The following CST11 variants were observed in gnomAD, a reference collection of about 807,000 sequenced individuals.
CST11 encodes cystatin-11.
Under a neutral mutation model 14.0 loss-of-function variants are expected in CST11, and 13 were observed. The ratio of observed to expected loss-of-function variants is 0.93; its 90% CI spans 0.60 to 1.47. The LOEUF is 1.47. Among genes scored for constraint, CST11 ranks in the 40% most tolerant of loss-of-function variants. The pLI, the probability that CST11 is intolerant of heterozygous loss-of-function variation, is 0.00. For missense variants in CST11, 181 were observed against 160.0 expected, an observed-to-expected ratio of 1.13 and a Z score of -0.71; for synonymous variants, 64 against 57.8, an observed-to-expected ratio of 1.11 and a Z score of -0.48.
At chr20:23,450,814 G>A (rs1987066355) in intron 2 of CST11, among the ~76,000 whole-genome samples, 1 of 152,152 alleles carries the variant, frequency 6.6e-6, no homozygotes, top group African/African-American at 2.4e-5. Context: ...TAGAAATAAA[G>A]TGTCTGCGCA....
Position 23,450,457 on chromosome 20 carries a change from T to C in CST11, c.*49A>G, listed in dbSNP as rs766465092. On this transcript the variant is annotated 3_prime_UTR_variant, in exon 3 of 3. Coordinates refer to ENST00000377009, the MANE Select transcript of CST11 (RefSeq NM_130794.2). ...GCCTATATTAAGGATTATTGCCCAT[T>C]GCAGGATTCTCTCACATGCAGTGGC... is the stretch of plus-strand genomic sequence containing the variant. The C allele has an allele frequency of 2.5e-6, 3 of 1,213,412 alleles. No homozygotes were observed. The highest frequency in any genetic ancestry group is 1.4e-5 in the South Asian group (1 of 70,288). The allele number at this position is 1,213,412 out of a possible 1,614,324, so 75.2% of individuals were successfully genotyped here. A position where few individuals can be genotyped will look rare whatever the true frequency, so the allele number is the denominator to read the frequency against.
chr20:23,452,543 G>A lies in CST11; in HGVS notation c.228+41C>T, dbSNP rs1987121708. On this transcript the variant is annotated intron_variant, in intron 1 of 2. Coordinates refer to ENST00000377009, the MANE Select transcript of CST11 (RefSeq NM_130794.2). ...TGACACCAGTGGCCACCCGATGTGG[G>A]CGTATCAGGCCTGGGGAGAGGCGGG... 16 of 1,296,642 alleles carry A rather than the reference G, an allele frequency of 1.2e-5. No individual in the cohort carries two copies. In the South Asian group the frequency reaches 1.8e-4, roughly 14 times the overall value. 80.3% of individuals were successfully genotyped at this position (1,296,642 alleles called of 1,614,324 possible). A position where few individuals can be genotyped will look rare whatever the true frequency, so the allele number is the denominator to read the frequency against.
Position 23,451,818 on chromosome 20 carries a change from T to C in CST11, c.331A>G (p.Lys111Glu). 1.2e-6 allele frequency: 2 copies of C among 1,613,078 alleles called. No homozygotes were observed. Among genetic ancestry groups the C allele is most frequent in the East Asian group, 2.2e-5 (1 of 44,870 alleles). The change falls in exon 2 of 3, where the codon AAG becomes GAG. Residue 111 changes from lysine to glutamate, a missense_variant and splice_region_variant. Lys to Glu is a moderately conservative substitution (Grantham distance 56). Coordinates refer to ENST00000377009, the MANE Select transcript of CST11 (RefSeq NM_130794.2). Reference protein sequence around the residue: ...NCVPQERELHKQVNCFFSVFA... With the variant: ...NCVPQERELHEQVNCFFSVFA... Reference sequence around the variant, plus strand: ...GTTAAAGTGCTTTTACCCAATACCTTGTGAAGCTCCCTTTCCTGGGGGACA... The same window carrying C: ...GTTAAAGTGCTTTTACCCAATACCTCGTGAAGCTCCCTTTCCTGGGGGACA...
Position 23,452,665 on chromosome 20 carries a change from C to T in CST11, c.147G>A (p.Gln49=), listed in dbSNP as rs535136046. The T allele has an allele frequency of 3.1e-6, 5 of 1,614,152 alleles. No individual in the cohort carries two copies. In the South Asian group the frequency reaches 5.5e-5, roughly 18 times the overall value. Reference sequence around the variant, plus strand: ...CCTTGTTATACTGGTCGGTGATCCACTGCAAGCTGTCCTTCGCATAGTTTT... The same window carrying T: ...CCTTGTTATACTGGTCGGTGATCCATTGCAAGCTGTCCTTCGCATAGTTTT... The part of the protein sequence containing the change: ...AVENYAKDSL[Q]WITDQYNKES... The change falls in exon 1 of 3, where the codon CAG becomes CAA. Residue 49 remains glutamine (Q), a synonymous_variant. Transcript: ENST00000377009.
intron 1 of CST11, among the ~76,000 whole-genome samples, 186 bp from the exon 2 acceptor site, chr20:23,452,106 A>G (rs890455367): frequency 6.6e-6 from 1 of 152,178 alleles, no homozygotes; most frequent in Admixed American, 6.5e-5. Flanking sequence ...TTAACCAGAA[A>G]CCATCAGAAA....
intron 2 of CST11, among the ~76,000 whole-genome samples, chr20:23,451,164 T>C (rs908442322): frequency 6.6e-6 from 1 of 152,208 alleles, no homozygotes; most frequent in African/African-American, 2.4e-5. Context: ...TTCCTGACTT[T>C]GCTTCCTCTC....
chr20:23,452,387 T>C (rs977292584), intron 1 of CST11, among the ~76,000 whole-genome samples, 197 bp downstream of exon 1: 1 of 152,198 alleles, frequency 6.6e-6, no homozygotes, highest in Non-Finnish European at 1.5e-5. Context: ...TGGGATGTAA[T>C]GTGCTGAGGA....
chr20:23,450,495 C>A lies in CST11; in HGVS notation c.*11G>T, dbSNP rs576508463. On this transcript the variant is annotated 3_prime_UTR_variant, in exon 3 of 3. Coordinates refer to ENST00000377009, the MANE Select transcript of CST11 (RefSeq NM_130794.2). ...CACATGCAGTGGCCGCAGTTGTACA[C>A]TCCAGGACACCTAGTCACTGCTGCA... 1.9e-6 allele frequency: 3 copies of A among 1,604,840 alleles called. No individual in the cohort carries two copies. The African/African-American group carries it at 4.0e-5, about 21-fold the overall frequency.
chr20:23,450,424 C>A lies in CST11; in HGVS notation c.*82G>T. On this transcript the variant is annotated 3_prime_UTR_variant, in exon 3 of 3. Transcript: ENST00000377009. ...GATCTTAAGAGAATATGTTGACAAA[C>A]ATTTATTGCCTATATTAAGGATTAT... 2.4e-6 allele frequency: 2 copies of A among 847,852 alleles called. No individual in the cohort carries two copies. The highest frequency in any genetic ancestry group is 1.8e-6 in the Non-Finnish European group (1 of 542,354). The allele number at this position is 847,852 out of a possible 1,614,324, so 52.5% of individuals were successfully genotyped here. A position where few individuals can be genotyped will look rare whatever the true frequency, so the allele number is the denominator to read the frequency against.
chr20:23,450,425 A>G lies in CST11; in HGVS notation c.*81T>C. The G allele has an allele frequency of 1.2e-6, 1 of 863,518 alleles. No homozygotes were observed. The highest frequency in any genetic ancestry group is 1.8e-6 in the Non-Finnish European group (1 of 554,032). The allele number at this position is 863,518 out of a possible 1,614,324, so 53.5% of individuals were successfully genotyped here. On this transcript the variant is annotated 3_prime_UTR_variant, in exon 3 of 3. Coordinates refer to ENST00000377009, the MANE Select transcript of CST11 (RefSeq NM_130794.2). ...ATCTTAAGAGAATATGTTGACAAAC[A>G]TTTATTGCCTATATTAAGGATTATT... is the stretch of plus-strand genomic sequence containing the variant.
chr20:23,450,583 T>C lies in CST11; in HGVS notation c.340A>G (p.Asn114Asp), dbSNP rs1031878597. 7 of 1,606,998 alleles carry C rather than the reference T, an allele frequency of 4.4e-6. No homozygotes were observed. In the Admixed American group the frequency reaches 6.7e-5, roughly 15 times the overall value. The part of the protein sequence containing the change: ...PQERELHKQV[N>D]CFFSVFAVPW... Reference sequence around the variant, plus strand: ...ACAGCAAACACTGAGAAGAAGCAGTTGACTTGCTAAAACAAAAAACAAAGG... The same window carrying C: ...ACAGCAAACACTGAGAAGAAGCAGTCGACTTGCTAAAACAAAAAACAAAGG... The change falls in exon 3 of 3, where the codon AAC (asparagine) becomes GAC (aspartate). Residue 114 changes from asparagine (N) to aspartate (D), a missense_variant. Asn to Asp is a conservative substitution (Grantham distance 23, BLOSUM62 1). Coordinates refer to ENST00000377009, the MANE Select transcript of CST11 (RefSeq NM_130794.2).
Position 23,452,874 on chromosome 20 carries a change from A to T in CST11, c.-63T>A. 1 of 1,314,302 alleles carries T rather than the reference A, an allele frequency of 7.6e-7. No homozygotes were observed. Among genetic ancestry groups the T allele is most frequent in the Admixed American group, 2.0e-5 (1 of 50,472 alleles). 81.4% of individuals were successfully genotyped at this position (1,314,302 alleles called of 1,614,324 possible). ...ACTCCTCAGGGACAAGTCGAATCAC[A>T]CTGACCCTACCTGCCCTGGCAGGAT... On this transcript the variant is annotated 5_prime_UTR_variant, in exon 1 of 3. Coordinates refer to ENST00000377009, the MANE Select transcript of CST11 (RefSeq NM_130794.2).
intron 2 of CST11, 116 bp from the exon 3 acceptor site, chr20:23,450,705 A>G: frequency 1.6e-6 from 1 of 610,270 alleles, no homozygotes; most frequent in South Asian, 2.4e-5. Flanking sequence ...CCACCCCTAC[A>G]ATCCTATTTG....
chr20:23,451,172 C>CT (rs1987076840), intron 2 of CST11, among the ~76,000 whole-genome samples: 1 of 152,236 alleles, frequency 6.6e-6, no homozygotes, highest in Non-Finnish European at 1.5e-5. Context: ...TTTGCTTCCT[C>CT]TCCCTCAGTG....
intron 2 of CST11, among the ~76,000 whole-genome samples, chr20:23,451,510 C>A (rs1224403556): frequency 2.6e-5 from 4 of 152,228 alleles, no homozygotes; most frequent in Non-Finnish European, 5.9e-5. Flanking sequence ...GTCCCTCCCA[C>A]AGGCTGCTTA....
chr20:23,451,675 GAGGAA>G, intron 2 of CST11, 136 bp downstream of exon 2: 1 of 579,014 alleles, frequency 1.7e-6, no homozygotes, highest in South Asian at 2.1e-5. Context: ...TTCCCTCTCT[GAGGAA>G]GGAGGTGTTA....
At position 23,451,840 on chromosome 20, in the gene CST11, G is replaced by A. The variant is rs1477558282; in HGVS notation, c.309C>T (p.Val103=). The A allele has an allele frequency of 1.2e-6, 2 of 1,613,932 alleles. No homozygotes were observed. Among genetic ancestry groups the A allele is most frequent in the African/African-American group, 1.3e-5 (1 of 75,042 alleles). Residue 103 remains valine, a synonymous_variant, in exon 2 of 3, where the codon GTC becomes GTT. Coordinates refer to ENST00000377009, the MANE Select transcript of CST11 (RefSeq NM_130794.2). ...CCTTGTGAAGCTCCCTTTCCTGGGG[G>A]ACACAGTTCGTGGTCTCTGGCTTTT... ...TCQKPETTNC[V]PQERELHKQV...
rs368607322 is a variant in CST11, at chr20:23,452,595, C to A, written c.217G>T (p.Val73Phe). ...YHFRIFRVLK[V>F]QRQVTDHLEY... is the part of the protein sequence containing the mutation. ...AGTCATACACTCACCTGCCTCTGGA[C>A]TTTAAGGACTCGGAAGATCCTGAAG... is the stretch of plus-strand genomic sequence containing the variant. The change falls in exon 1 of 3, where the codon GTC (valine) becomes TTC (phenylalanine). Residue 73 changes from valine to phenylalanine, a missense_variant. By Grantham distance (50) the Val-to-Phe change is conservative. Coordinates refer to ENST00000377009, the MANE Select transcript of CST11 (RefSeq NM_130794.2). The A allele has an allele frequency of 3.7e-6, 6 of 1,611,680 alleles. No individual in the cohort carries two copies. The highest frequency in any genetic ancestry group is 5.1e-6 in the Non-Finnish European group (6 of 1,177,772).
chr20:23,452,501 T>G (rs1987120080), intron 1 of CST11, 83 bp downstream of exon 1: 1 of 853,688 alleles, frequency 1.2e-6, no homozygotes, highest in Admixed American at 1.8e-5. Context: ...TGAATTTCCC[T>G]TGAGTGGGAC....
Sources: gnomAD v4.1 joint callset for allele counts (sites outside exome capture counted in the v4.1 genomes callset) on GRCh38, gnomAD v4.1.1 for gene constraint, MANE v1.5 for transcripts, NCBI Gene and HGNC (gene_info 2026-07-23, HGNC 2026-07-21) for gene names.